The following COL4A2 variants were observed in gnomAD, a reference collection of about 807,000 sequenced individuals.
The protein encoded by COL4A2 is collagen alpha-2(IV) chain.
A neutral mutation model predicts 200.2 loss-of-function variants in COL4A2; 99 were observed. That is an observed-to-expected ratio of 0.49 (90% CI 0.42 to 0.58). COL4A2 has a LOEUF of 0.58. Ranked by LOEUF, COL4A2 falls within the 20% of genes least tolerant of loss-of-function variation. COL4A2 has a pLI of 0.00. For synonymous variants in COL4A2, 897 were observed against 900.6 expected (o/e 1.00, Z 0.07); for missense variants, 1,950 against 2,314.1 (o/e 0.84, Z 3.23).
At chr13:110,449,089 C>T (rs867379514) in intron 18 of COL4A2, among the ~76,000 whole-genome samples, 1 of 152,244 alleles carries the variant, frequency 6.6e-6, no homozygotes, top group Non-Finnish European at 1.5e-5. Context: ...CTTCGTAAGA[C>T]GACATGCAGA....
chr13:110,481,664 A>ATATGAGT (rs1566559565), intron 31 of COL4A2, among the ~76,000 whole-genome samples: 8 of 78,048 alleles, frequency 1.0e-4, no homozygotes, highest in Non-Finnish European at 1.5e-4. Flanking sequence ...TGCTGGAGAC[A>ATATGAGT]CACAGTTCTG....
At chr13:110,409,838 C>G (rs577358396) in intron 4 of COL4A2, among the ~76,000 whole-genome samples, 3 of 152,108 alleles carry the variant, frequency 2.0e-5, no homozygotes, top group Admixed American at 2.0e-4. Context: ...CATTCCAAAC[C>G]GGGGAGTCTT....
intron 35 of COL4A2, 78 bp downstream of exon 35, chr13:110,489,586 G>A: frequency 6.3e-7 from 1 of 1,587,416 alleles, no homozygotes; most frequent in South Asian, 1.1e-5. Flanking sequence ...TTTCAGACCT[G>A]CAAGTGCTGT....
At chr13:110,467,267 T>G (rs1436592403) in intron 27 of COL4A2, among the ~76,000 whole-genome samples, 171 bp downstream of exon 27, 2 of 152,204 alleles carry the variant, frequency 1.3e-5, no homozygotes, top group Non-Finnish European at 2.9e-5. Context: ...CCACTGTCAT[T>G]TGCCACTATA....
chr13:110,314,846 C>T (rs1396246642), intron 3 of COL4A2, among the ~76,000 whole-genome samples: 10 of 152,324 alleles, frequency 6.6e-5, no homozygotes, highest in Non-Finnish European at 1.5e-4. Context: ...CAGGGACGGG[C>T]AGGTGGCAGG....
intron 3 of COL4A2, 98 bp downstream of exon 3, chr13:110,308,221 G>C: frequency 1.5e-6 from 2 of 1,319,118 alleles, no homozygotes; most frequent in Admixed American, 1.7e-5. Context: ...GCTCCCGAGT[G>C]TGTGTGTGCG....
chr13:110,418,066 G>T (rs1880112562), intron 4 of COL4A2, among the ~76,000 whole-genome samples: 1 of 152,056 alleles, frequency 6.6e-6, no homozygotes, highest in Non-Finnish European at 1.5e-5. Context: ...CTTTTTCTGT[G>T]TATGTTCACC....
intron 40 of COL4A2, among the ~76,000 whole-genome samples, chr13:110,496,134 G>GGCTCCATGCTGGCA (rs1883446879): frequency 6.6e-6 from 1 of 152,180 alleles, no homozygotes; most frequent in Non-Finnish European, 1.5e-5. Context: ...CACCTGGATG[G>GGCTCCATGCTGGCA]ACAGCCTGGG....
chr13:110,365,741 C>T (rs1877718360), intron 4 of COL4A2, among the ~76,000 whole-genome samples: 1 of 152,218 alleles, frequency 6.6e-6, no homozygotes, highest in Non-Finnish European at 1.5e-5. Flanking sequence ...TTGACTCCTT[C>T]CTTCTCTTAC....
intron 17 of COL4A2, among the ~76,000 whole-genome samples, chr13:110,446,321 G>T (rs1881321605): frequency 6.6e-6 from 1 of 152,136 alleles, no homozygotes; most frequent in African/African-American, 2.4e-5. Context: ...CCTGGGTGGG[G>T]GCACATCTGG....
chr13:110,458,342 C>T (rs971769126), intron 21 of COL4A2: 1 of 340,724 alleles, frequency 2.9e-6, no homozygotes, highest in African/African-American at 2.2e-5. Context: ...CACCTATGAC[C>T]TTTCATGACC....
chr13:110,383,250 G>A (rs1259312020), intron 4 of COL4A2, among the ~76,000 whole-genome samples: 2 of 152,176 alleles, frequency 1.3e-5, no homozygotes, highest in African/African-American at 2.4e-5. Flanking sequence ...TAGGACACTC[G>A]TTATTTTCTT....
At position 110,492,149 on chromosome 13, in the gene COL4A2, T is replaced by C. The variant is rs769995292; in HGVS notation, c.3534T>C (p.Asp1178=). Residue 1178 remains aspartate (D), a synonymous_variant, in exon 38 of 48, where the codon GAT becomes GAC. Transcript: ENST00000360467. Reference sequence around the variant, plus strand: ...GACTGCCTGGTGGCAAAGGAGATGATGGCTGGCCGGGAGCTCCGGGCTTAC... The same window carrying C: ...GACTGCCTGGTGGCAAAGGAGATGACGGCTGGCCGGGAGCTCCGGGCTTAC... The part of the protein sequence containing the change: ...RIGLPGGKGD[D]GWPGAPGLPG... 8 of 1,553,068 alleles carry C rather than the reference T, an allele frequency of 5.2e-6. No homozygotes were observed. Among genetic ancestry groups the C allele is most frequent in the Middle Eastern group, 1.7e-4 (1 of 6,014 alleles).
chr13:110,332,418 A>G (rs1050873354), intron 3 of COL4A2, among the ~76,000 whole-genome samples: 2 of 152,222 alleles, frequency 1.3e-5, no homozygotes, highest in African/African-American at 4.8e-5. Flanking sequence ...AGAGATTCAA[A>G]TGCAAGAGGG....
chr13:110,429,964 T>G lies in COL4A2; in HGVS notation c.549+8T>G. 1 of 1,591,580 alleles carries G rather than the reference T, an allele frequency of 6.3e-7. No individual in the cohort carries two copies. The highest frequency in any genetic ancestry group is 1.8e-5 in the Admixed American group (1 of 54,552). ...GAGCGCGACAGATATCGGGTACGTT[T>G]GCAAGAGATGGGAGGGGTAATGAAG... On this transcript the variant is annotated splice_region_variant and intron_variant, in intron 8 of 47. Coordinates refer to ENST00000360467, the MANE Select transcript of COL4A2 (RefSeq NM_001846.4).
At chr13:110,353,805 G>A (rs898727774) in intron 3 of COL4A2, among the ~76,000 whole-genome samples, 32 of 152,216 alleles carry the variant, frequency 2.1e-4, no homozygotes, top group African/African-American at 6.3e-4. Context: ...GTGCACGCAC[G>A]GCTGGCATGT....
chr13:110,504,792 G>A (rs187287872), intron 45 of COL4A2, among the ~76,000 whole-genome samples: 1 of 148,718 alleles, frequency 6.7e-6, no homozygotes, highest in Non-Finnish European at 1.5e-5. Context: ...ATTTGTAGTA[G>A]AGACGGGGTT....
At position 110,478,017 on chromosome 13, in the gene COL4A2, C is replaced by G; in HGVS notation, c.2440C>G (p.Pro814Ala). Residue 814 changes from proline to alanine, a missense_variant, in exon 30 of 48, where the codon CCT (proline) becomes GCT (alanine). Physicochemically the swap from Pro to Ala is conservative, Grantham distance 27. Around this residue, in one of 2 missense-constraint regions of COL4A2, gnomAD observed 1,385 missense variants for 1,720.5 expected, o/e 0.80. Coordinates refer to ENST00000360467, the MANE Select transcript of COL4A2 (RefSeq NM_001846.4). ...GATTCCTGCAGGAAGCCAAGGGATG[C>G]CTGGGATGCCAGGGCTGAAGGGCCA... The part of the protein sequence containing the change: ...PPGFRGSQGM[P>A]GMPGLKGQPG... 1 of 1,569,396 alleles carries G rather than the reference C, an allele frequency of 6.4e-7. No individual in the cohort carries two copies. Among genetic ancestry groups the G allele is most frequent in the Non-Finnish European group, 8.7e-7 (1 of 1,155,018 alleles).
chr13:110,420,231 C>T (rs906712811), intron 4 of COL4A2, among the ~76,000 whole-genome samples: 1 of 152,236 alleles, frequency 6.6e-6, no homozygotes, highest in African/African-American at 2.4e-5. Context: ...ATCTGAGCCC[C>T]TGTCCTCTCT....
Sources: allele counts gnomAD v4.1 joint callset (sites outside exome capture counted in the v4.1 genomes callset), GRCh38; gene constraint gnomAD v4.1.1; regional missense constraint gnomAD v4.1.1; transcripts MANE v1.5; gene names NCBI Gene and HGNC (gene_info 2026-07-23, HGNC 2026-07-21).